The following RYR3 variants were observed in gnomAD, a reference collection of about 807,000 sequenced individuals.
RYR3 encodes ryanodine receptor 3.
In RYR3, 207 loss-of-function variants were observed where a neutral mutation model predicts 584.3. The observed-to-expected ratio is 0.35, with a 90% CI of 0.32 to 0.40. RYR3 has a LOEUF of 0.40. RYR3 is among the 10% of genes least tolerant of loss of function. The probability of loss-of-function intolerance (pLI) is 1.00; values close to 1 mark genes in which losing one functional copy is unlikely to be tolerated. For synonymous variants in RYR3, 2,416 were observed against 2,248.5 expected (o/e 1.07, Z -2.11); for missense variants, 5,616 against 6,089.2 (o/e 0.92, Z 2.59).
intron 19 of RYR3, 27 bp downstream of exon 19, chr15:33,613,402 G>A: frequency 6.4e-7 from 1 of 1,565,866 alleles, no homozygotes; most frequent in Non-Finnish European, 8.7e-7. Flanking sequence ...ATTTCATGGA[G>A]AGTAGCAGTT....
chr15:33,433,541 A>G (rs1328745717), intron 1 of RYR3, among the ~76,000 whole-genome samples: 2 of 152,238 alleles, frequency 1.3e-5, no homozygotes, highest in Non-Finnish European at 2.9e-5. Context: ...TAGTAAGTAA[A>G]TAAATGCAGT....
At chr15:33,350,417 A>C (rs1415092300) in intron 1 of RYR3, among the ~76,000 whole-genome samples, 2 of 152,066 alleles carry the variant, frequency 1.3e-5, no homozygotes, top group Admixed American at 1.3e-4. Flanking sequence ...GACCTAATAG[A>C]CATCTACAGA....
chr15:33,745,002 G>C (rs2070542801), intron 52 of RYR3, among the ~76,000 whole-genome samples: 1 of 152,206 alleles, frequency 6.6e-6, no homozygotes, highest in African/African-American at 2.4e-5. Context: ...GAGGCTGGGA[G>C]GCTGCTTAGG....
Position 33,530,693 on chromosome 15 carries a change from T to C in RYR3, c.354+27T>C, listed in dbSNP as rs1203580558. ...TAAGCAGCTCTGGTGCCCACTTTCA[T>C]CATTCAAGGAGAAGGAAAAACTGAA... On this transcript the variant is annotated intron_variant, in intron 4 of 103. Coordinates refer to ENST00000634891, the MANE Select transcript of RYR3 (RefSeq NM_001036.6). 3 of 1,571,152 alleles carry C rather than the reference T, an allele frequency of 1.9e-6. No homozygotes were observed. The African/African-American group carries it at 4.1e-5, about 21-fold the overall frequency.
intron 1 of RYR3, among the ~76,000 whole-genome samples, chr15:33,435,884 C>G (rs1024533722): frequency 6.6e-6 from 1 of 152,254 alleles, no homozygotes; most frequent in Non-Finnish European, 1.5e-5. Context: ...TGAGTTGCCA[C>G]TACTGGCTGG....
At chr15:33,658,314 G>A (rs981087049) in intron 32 of RYR3, among the ~76,000 whole-genome samples, 5 of 152,172 alleles carry the variant, frequency 3.3e-5, no homozygotes, top group East Asian at 1.9e-4. Flanking sequence ...CACTCTCCCC[G>A]CCTTCCGCCC....
chr15:33,511,669 A>C (rs1164350135), intron 3 of RYR3, among the ~76,000 whole-genome samples: 1 of 145,050 alleles, frequency 6.9e-6, no homozygotes, highest in Non-Finnish European at 1.6e-5. Flanking sequence ...GTGGCTGCAC[A>C]CATAGAAATT....
At chr15:33,730,173 T>C (rs2068829052) in intron 47 of RYR3, among the ~76,000 whole-genome samples, 1 of 152,180 alleles carries the variant, frequency 6.6e-6, no homozygotes, top group Admixed American at 6.6e-5. Flanking sequence ...GTTTTGAACT[T>C]TTCTATAAAT....
chr15:33,510,267 G>A (rs2052862472), intron 3 of RYR3, among the ~76,000 whole-genome samples: 1 of 152,150 alleles, frequency 6.6e-6, no homozygotes, highest in African/African-American at 2.4e-5. Flanking sequence ...TACCAACTGG[G>A]CTTTAGGTTC....
At chr15:33,747,455 A>G (rs906747155) in intron 53 of RYR3, among the ~76,000 whole-genome samples, 1 of 108,132 alleles carries the variant, frequency 9.2e-6, no homozygotes, top group Non-Finnish European at 1.7e-5. Flanking sequence ...ACAGAGTTTC[A>G]CTGTTGTCAC....
intron 1 of RYR3, among the ~76,000 whole-genome samples, chr15:33,329,673 CCTT>C (rs1339332796): frequency 1.3e-5 from 2 of 152,160 alleles, no homozygotes; most frequent in African/African-American, 4.8e-5. Context: ...TCTCAATACT[CCTT>C]AACATCAAAA....
chr15:33,840,927 T>C lies in RYR3; in HGVS notation c.13037+44T>C, dbSNP rs188470239. On this transcript the variant is annotated intron_variant, in intron 90 of 103. Coordinates refer to ENST00000634891, the MANE Select transcript of RYR3 (RefSeq NM_001036.6). ...CAACTACTCTCATTGCTATGGTAGA[T>C]AATTCTTAGGCCAGGCAGAGTGGCT... The C allele has an allele frequency of 2.0e-4, 320 of 1,586,680 alleles. 2 individuals carry two copies. In the African/African-American group the frequency reaches 3.7e-3, roughly 18 times the overall value.
At chr15:33,359,107 C>G (rs926474178) in intron 1 of RYR3, among the ~76,000 whole-genome samples, 1 of 152,186 alleles carries the variant, frequency 6.6e-6, no homozygotes, top group Non-Finnish European at 1.5e-5. Context: ...CCCCTGTCAT[C>G]TCTTGCTCCA....
At chr15:33,764,736 T>C (rs2072854841) in intron 60 of RYR3, among the ~76,000 whole-genome samples, 2 of 152,096 alleles carry the variant, frequency 1.3e-5, no homozygotes, top group Admixed American at 6.5e-5. Context: ...TTAAAACTTA[T>C]AAAAAGACTC....
At chr15:33,760,777 C>A (rs1274104563) in intron 60 of RYR3, among the ~76,000 whole-genome samples, 1 of 152,138 alleles carries the variant, frequency 6.6e-6, no homozygotes, top group East Asian at 1.9e-4. Context: ...AACTCTCCAC[C>A]CCAAATCAAC....
At chr15:33,323,268 T>A (rs1324952326) in intron 1 of RYR3, among the ~76,000 whole-genome samples, 1 of 151,990 alleles carries the variant, frequency 6.6e-6, no homozygotes, top group East Asian at 1.9e-4. Context: ...CCCGCCACCA[T>A]GCCCAGCTTT....
In RYR3 at chr15:33,838,582, C is replaced by G. The variant is rs773977487; in HGVS notation, c.12602C>G (p.Thr4201Ser). Residue 4201 changes from threonine (T) to serine (S), a missense_variant, in exon 89 of 104, where the codon ACC becomes AGC. This residue lies in a region of RYR3 where 918 missense variants were observed against 887.4 expected (regional missense o/e 1.03). Coordinates refer to ENST00000634891, the MANE Select transcript of RYR3 (RefSeq NM_001036.6). ...GTGGGGCTATTCCAGTTGCTCTTCACCATCCTGGGAGGAATCTTTCAGATC... is the reference window on the plus strand; with the variant it reads ...GTGGGGCTATTCCAGTTGCTCTTCAGCATCCTGGGAGGAATCTTTCAGATC... ...LFVGLFQLLF[T>S]ILGGIFQILW... 2 of 1,613,922 alleles carry G rather than the reference C, an allele frequency of 1.2e-6. No homozygotes were observed. The highest frequency in any genetic ancestry group is 2.2e-5 in the South Asian group (2 of 91,064).
At chr15:33,813,075 G>T (rs2076632160) in intron 73 of RYR3, 81 bp downstream of exon 73, 1 of 1,551,262 alleles carries the variant, frequency 6.4e-7, no homozygotes. Flanking sequence ...TCAGCATTCA[G>T]GTACAAGTGC....
At chr15:33,750,077 C>G in intron 56 of RYR3, 23 bp downstream of exon 56, 1 of 1,609,164 alleles carries the variant, frequency 6.2e-7, no homozygotes, top group Non-Finnish European at 8.5e-7. Context: ...CACAGCATCC[C>G]CTAAAGAAGC....
Sources: gnomAD v4.1 joint callset for allele counts (sites outside exome capture counted in the v4.1 genomes callset) on GRCh38, gnomAD v4.1.1 for gene constraint, gnomAD v4.1.1 regional missense constraint, MANE v1.5 for transcripts, NCBI Gene and HGNC (gene_info 2026-07-23, HGNC 2026-07-21) for gene names.